The following ADGRL1 variants were observed in gnomAD, a reference collection of about 807,000 sequenced individuals.
ADGRL1 encodes the protein CIRL-1.
In ADGRL1, 31 loss-of-function variants were observed where a neutral mutation model predicts 148.9. The ratio of observed to expected loss-of-function variants is 0.21; its 90% CI spans 0.16 to 0.28. The LOEUF (loss-of-function observed/expected upper bound fraction) is 0.28, where lower values mean the gene tolerates loss of function less well. Among genes scored for constraint, ADGRL1 ranks in the 10% least tolerant of loss-of-function variants. The pLI is 1.00. For synonymous variants in ADGRL1, 937 were observed against 900.3 expected, an observed-to-expected ratio of 1.04 and a Z score of -0.73; for missense variants, 1,521 against 2,058.8, an observed-to-expected ratio of 0.74 and a Z score of 5.05.
chr19:14,159,044 G>A lies in ADGRL1; in HGVS notation c.2149+46C>T. 6.2e-7 allele frequency: 1 copy of A among 1,607,420 alleles called. No homozygotes were observed. Among genetic ancestry groups the A allele is most frequent in the Non-Finnish European group, 8.5e-7 (1 of 1,176,708 alleles). On this transcript the variant is annotated intron_variant, in intron 11 of 22. Transcript: ENST00000361434. This position sits in a 1 kb window ranked among gnomAD's most constrained non-coding sequence, Gnocchi z 6.0. ...GACGCTGGCACAGAGCTGGGGGGTGGGGGTGGGGCTGCTTCCCCACCCGAG... is the reference window on the plus strand; with the variant it reads ...GACGCTGGCACAGAGCTGGGGGGTGAGGGTGGGGCTGCTTCCCCACCCGAG...
chr19:14,205,340 G>A (rs1455924320), intron 1 of ADGRL1, among the ~76,000 whole-genome samples: 4 of 152,062 alleles, frequency 2.6e-5, no homozygotes, highest in Non-Finnish European at 5.9e-5. Flanking sequence ...ACCACGGAGA[G>A]AAGGTGCTGC....
intron 3 of ADGRL1, among the ~76,000 whole-genome samples, chr19:14,173,413 TA>T: frequency 6.6e-6 from 1 of 151,922 alleles, no homozygotes; most frequent in Non-Finnish European, 1.5e-5. Context: ...ATTTGTAAAT[TA>T]AACTTTATTA....
chr19:14,162,499 C>T lies in ADGRL1; in HGVS notation c.1195+107G>A, dbSNP rs1969497540. ...TGTGAATTTCCTTTACCTCCCGATC[C>T]CCAAGAGCTCACAGGATGGGGCTCC... On this transcript the variant is annotated intron_variant, in intron 5 of 22. Coordinates refer to ENST00000361434, the MANE Select transcript of ADGRL1 (RefSeq NM_014921.5). This position sits in a 1 kb window ranked among gnomAD's most constrained non-coding sequence, Gnocchi z 5.4. 2 of 970,026 alleles carry T rather than the reference C, an allele frequency of 2.1e-6. No individual in the cohort carries two copies. Among genetic ancestry groups the T allele is most frequent in the East Asian group, 2.4e-5 (1 of 41,586 alleles). 60.1% of individuals were successfully genotyped at this position (970,026 alleles called of 1,614,324 possible). A position where few individuals can be genotyped will look rare whatever the true frequency, so the allele number is the denominator to read the frequency against.
intron 4 of ADGRL1, chr19:14,166,974 A>T: frequency 6.2e-7 from 1 of 1,606,332 alleles, no homozygotes; most frequent in Non-Finnish European, 8.5e-7. Context: ...CAGGTAGAAC[A>T]AAGTGTGAGT....
At chr19:14,201,386 T>C (rs1208791719) in intron 1 of ADGRL1, among the ~76,000 whole-genome samples, 1 of 145,666 alleles carries the variant, frequency 6.9e-6, no homozygotes, top group Non-Finnish European at 1.5e-5. Context: ...TCCCCCCAAA[T>C]TTTGGAACAG....
chr19:14,152,569 C>G lies in ADGRL1; in HGVS notation c.3468G>C (p.Thr1156=). 1.2e-6 allele frequency: 2 copies of G among 1,614,074 alleles called. No homozygotes were observed. Among genetic ancestry groups the G allele is most frequent in the Non-Finnish European group, 1.7e-6 (2 of 1,179,990 alleles). ...RMWNDTVRKQ[T]ESSFMAGDIN... is the part of the protein sequence containing the mutation. The stretch of plus-strand genomic sequence containing the variant: ...TGTCACCCGCCATGAAGGAGGACTC[C>G]GTCTGTTTCCTCACAGTGTCATTCC... The change falls in exon 20 of 23, where the codon ACG becomes ACC. Residue 1156 remains threonine, a synonymous_variant. Transcript: ENST00000361434. The surrounding 1 kb of genome is among the most constrained non-coding windows in gnomAD (Gnocchi z 6.1).
rs1599409391 is a variant in ADGRL1, at chr19:14,159,859, C to T, written c.1801-86G>A. On this transcript the variant is annotated intron_variant, in intron 8 of 22. Transcript: ENST00000361434. The surrounding 1 kb of genome is among the most constrained non-coding windows in gnomAD (Gnocchi z 6.0). The stretch of plus-strand genomic sequence containing the variant: ...TACTGTCACATCTGGATAGCTCTCT[C>T]GTCTGCGGTTACCACTGACCCAGGG... The T allele has an allele frequency of 1.5e-5, 19 of 1,253,270 alleles. No individual in the cohort carries two copies. Among genetic ancestry groups the T allele is most frequent in the Middle Eastern group, 1.9e-4 (1 of 5,394 alleles). 77.6% of individuals were successfully genotyped at this position (1,253,270 alleles called of 1,614,324 possible).
chr19:14,165,305 C>T (rs1327533781), intron 4 of ADGRL1, among the ~76,000 whole-genome samples: 1 of 152,172 alleles, frequency 6.6e-6, no homozygotes, highest in Non-Finnish European at 1.5e-5. Flanking sequence ...GAGGGGTCGG[C>T]CTGCCCACTC....
chr19:14,177,785 G>A, intron 2 of ADGRL1, 41 bp from the exon 3 acceptor site: 1 of 1,558,840 alleles, frequency 6.4e-7, no homozygotes, highest in South Asian at 1.1e-5. Context: ...CTGGGCCTGG[G>A]CCAGGAAGGG....
chr19:14,179,895 G>A (rs182031530), intron 2 of ADGRL1, among the ~76,000 whole-genome samples: 152 of 152,250 alleles, frequency 1.0e-3, no homozygotes, highest in African/African-American at 4.6e-4. Context: ...CAGCCTGGGC[G>A]ACAAACAAAG....
chr19:14,155,314 C>A lies in ADGRL1; in HGVS notation c.3294+45G>T. ...CGCCTTCTCCTGGGTACCCAGGAAA[C>A]GTCTCCAAGGGAGGCTGTGACCCAG... On this transcript the variant is annotated intron_variant, in intron 18 of 22. Transcript: ENST00000361434. The surrounding 1 kb of genome is among the most constrained non-coding windows in gnomAD (Gnocchi z 5.0). 6.3e-7 allele frequency: 1 copy of A among 1,599,374 alleles called. No homozygotes were observed. The highest frequency in any genetic ancestry group is 8.5e-7 in the Non-Finnish European group (1 of 1,170,558).
At chr19:14,203,695 C>A (rs946203375) in intron 1 of ADGRL1, among the ~76,000 whole-genome samples, 18 of 152,306 alleles carry the variant, frequency 1.2e-4, no homozygotes, top group African/African-American at 4.1e-4. Flanking sequence ...TCGAGTCCCC[C>A]CCTTCCACCC....
rs181253182 is a variant in ADGRL1 at position 14,177,315 on chromosome 19, T to C, written c.284+216A>G. 5.0e-3 allele frequency among the ~76,000 whole-genome samples: 766 copies of C among 152,140 alleles called. 2 individuals carry two copies. Among genetic ancestry groups the C allele is most frequent in the Non-Finnish European group, 7.8e-3 (531 of 67,984 alleles). On this transcript the variant is annotated intron_variant, in intron 3 of 22. Coordinates refer to ENST00000361434, the MANE Select transcript of ADGRL1 (RefSeq NM_014921.5). ...GTGGGGGGAGGGACTTCCCAGTGTA[T>C]GTATGGGTATAGGCCTCTGTCGGGG...
chr19:14,197,677 GTC>G (rs1465785003), intron 1 of ADGRL1, among the ~76,000 whole-genome samples: 1 of 152,124 alleles, frequency 6.6e-6, no homozygotes, highest in Non-Finnish European at 1.5e-5. Flanking sequence ...AGCACACAGG[GTC>G]TCTGTGTTTT....
In ADGRL1 at chr19:14,162,753, C is replaced by G; in HGVS notation, c.1048G>C (p.Glu350Gln). ...GGGAAGGTGAGGCTGACAGGCTCCTCGCGGTTGGCATTGGTGTTGAAGGCA... is the reference window on the plus strand; with the variant it reads ...GGGAAGGTGAGGCTGACAGGCTCCTGGCGGTTGGCATTGGTGTTGAAGGCA... ...DYAFNTNANR[E>Q]EPVSLTFPNP... Residue 350 changes from glutamate to glutamine, a missense_variant, in exon 5 of 23, where the codon GAG becomes CAG. Physicochemically the swap from Glu to Gln is conservative, Grantham distance 29. Around this residue, in one of 8 missense-constraint regions of ADGRL1, gnomAD observed 270 missense variants for 320.4 expected, o/e 0.84. Transcript: ENST00000361434. This position sits in a 1 kb window ranked among gnomAD's most constrained non-coding sequence, Gnocchi z 5.4. 6.2e-7 allele frequency: 1 copy of G among 1,614,206 alleles called. No individual in the cohort carries two copies. Among genetic ancestry groups the G allele is most frequent in the East Asian group, 2.2e-5 (1 of 44,886 alleles).
At chr19:14,177,853 C>T in intron 2 of ADGRL1, 109 bp from the exon 3 acceptor site, 3 of 890,390 alleles carry the variant, frequency 3.4e-6, no homozygotes, top group South Asian at 3.3e-5. Context: ...TCCTGGAAGC[C>T]AGCTGAGGCA....
At chr19:14,190,504 C>T (rs1203791312) in intron 1 of ADGRL1, among the ~76,000 whole-genome samples, 6 of 152,136 alleles carry the variant, frequency 3.9e-5, no homozygotes, top group Non-Finnish European at 7.4e-5. Flanking sequence ...TGGCGTCAAG[C>T]GATGCTCCCG....
At position 14,159,865 on chromosome 19, in the gene ADGRL1, C is replaced by T. The variant is rs960331204; in HGVS notation, c.1801-92G>A. ...CACATCTGGATAGCTCTCTCGTCTG[C>T]GGTTACCACTGACCCAGGGCTGGGC... On this transcript the variant is annotated intron_variant, in intron 8 of 22. Transcript: ENST00000361434. This position sits in a 1 kb window ranked among gnomAD's most constrained non-coding sequence, Gnocchi z 6.0. 175 of 1,205,010 alleles carry T rather than the reference C, an allele frequency of 1.5e-4. No homozygotes were observed. The highest frequency in any genetic ancestry group is 2.0e-4 in the Non-Finnish European group (162 of 811,308). 74.6% of individuals were successfully genotyped at this position (1,205,010 alleles called of 1,614,324 possible). A position where few individuals can be genotyped will look rare whatever the true frequency, so the allele number is the denominator to read the frequency against.
intron 4 of ADGRL1, among the ~76,000 whole-genome samples, chr19:14,166,192 A>ACGCTCCCCCACCCTT (rs1969941486): frequency 6.6e-6 from 1 of 151,582 alleles, no homozygotes; most frequent in Non-Finnish European, 1.5e-5. Flanking sequence ...AACAGAGAAC[A>ACGCTCCCCCACCCTT]CGCTCCCCCA....
Sources: allele counts gnomAD v4.1 joint callset (sites outside exome capture counted in the v4.1 genomes callset), GRCh38; gene constraint gnomAD v4.1.1; regional missense constraint gnomAD v4.1.1; non-coding constraint Gnocchi (gnomAD v3.1); transcripts MANE v1.5; gene names NCBI Gene and HGNC (gene_info 2026-07-23, HGNC 2026-07-21).